NFYB: variants seen among roughly 807,000 people sequenced by gnomAD.
NFYB encodes the protein nuclear transcription factor Y subunit beta, also known as CAAT box DNA-binding protein subunit B.
NFYB carries 13 observed loss-of-function variants against 28.0 expected under a neutral mutation model. The observed-to-expected ratio is 0.46, with a 90% CI of 0.30 to 0.74. NFYB has a LOEUF of 0.74. Ranked by LOEUF, NFYB falls within the 30% of genes least tolerant of loss-of-function variation. NFYB has a pLI of 0.07. For synonymous variants in NFYB, 74 were observed against 75.0 expected, an observed-to-expected ratio of 0.99 and a Z score of 0.07; for missense variants, 142 against 247.6, an observed-to-expected ratio of 0.57 and a Z score of 2.86.
chr12:104,122,280 C>T (rs1225606706), intron 5 of NFYB, among the ~76,000 whole-genome samples: 1 of 152,216 alleles, frequency 6.6e-6, no homozygotes, highest in Non-Finnish European at 1.5e-5. Flanking sequence ...TGTGGCAGAG[C>T]TGGGATTCAG....
chr12:104,127,319 C>A (rs1483015049), intron 3 of NFYB, among the ~76,000 whole-genome samples: 1 of 152,036 alleles, frequency 6.6e-6, no homozygotes, highest in Non-Finnish European at 1.5e-5. Context: ...TGACTATAAT[C>A]CCAGCACTTT....
At chr12:104,124,398 A>T (rs1425224517) in intron 4 of NFYB, among the ~76,000 whole-genome samples, 3 of 152,196 alleles carry the variant, frequency 2.0e-5, no homozygotes, top group Non-Finnish European at 4.4e-5. Flanking sequence ...AGCAATTGCA[A>T]AGCCACTTGT....
chr12:104,129,304 TA>T (rs904690167), intron 2 of NFYB, among the ~76,000 whole-genome samples: 16 of 147,894 alleles, frequency 1.1e-4, no homozygotes, highest in South Asian at 2.1e-4. Flanking sequence ...ACCTGTCTCT[TA>T]AAAAAAAAAA....
Position 104,135,548 on chromosome 12 carries a change from C to G in NFYB, c.-79-16G>C. ...TGATTTCAACCTAAAAGATAAACAT[C>G]TATTAGGACCTAACATCTATCAATA... On this transcript the variant is annotated splice_polypyrimidine_tract_variant and intron_variant, in intron 1 of 7. Transcript: ENST00000240055. 9.3e-7 allele frequency: 1 copy of G among 1,074,918 alleles called. No homozygotes were observed. The allele number at this position is 1,074,918 out of a possible 1,614,324, so 66.6% of individuals were successfully genotyped here. A position where few individuals can be genotyped will look rare whatever the true frequency, so the allele number is the denominator to read the frequency against.
In NFYB at chr12:104,117,603, C is replaced by G. The variant is rs2030312873; in HGVS notation, c.*2134G>C. The G allele has an allele frequency of 6.6e-6, 1 of 152,146 alleles. No homozygotes were observed. Among genetic ancestry groups the G allele is most frequent in the African/African-American group, 2.4e-5 (1 of 41,400 alleles). 9.4% of individuals were successfully genotyped at this position (152,146 alleles called of 1,614,324 possible). On this transcript the variant is annotated 3_prime_UTR_variant, in exon 8 of 8. Transcript: ENST00000240055. ...GTATTTTTTGTAGAGACGGGGGGTT[C>G]TCCATGTTGGCCAGGCTGGTCTCAA... is the stretch of plus-strand genomic sequence containing the variant.
At chr12:104,138,092 A>C (rs2031193266) in intron 1 of NFYB, 49 bp downstream of exon 1, 1 of 147,334 alleles carries the variant, frequency 6.8e-6, no homozygotes, top group African/African-American at 2.5e-5. Context: ...CATTCGAGCT[A>C]AAGTGGAGTC....
chr12:104,135,301 C>T, intron 2 of NFYB, 147 bp downstream of exon 2: 1 of 594,988 alleles, frequency 1.7e-6, no homozygotes, highest in Non-Finnish European at 2.8e-6. Flanking sequence ...AATAAGGAAG[C>T]AACAGGAATG....
intron 2 of NFYB, 107 bp downstream of exon 2, chr12:104,135,341 A>C: frequency 1.1e-6 from 1 of 916,024 alleles, no homozygotes; most frequent in South Asian, 1.8e-5. Context: ...TAGACTTGAA[A>C]TGCATTCATT....
chr12:104,120,037 A>G (rs975401376), intron 7 of NFYB, among the ~76,000 whole-genome samples: 2 of 151,722 alleles, frequency 1.3e-5, no homozygotes, highest in Admixed American at 6.6e-5. Flanking sequence ...GAAATTAACT[A>G]TATCAATAGA....
chr12:104,122,706 GC>G (rs1225696406), intron 5 of NFYB, among the ~76,000 whole-genome samples: 1 of 152,154 alleles, frequency 6.6e-6, no homozygotes, highest in Non-Finnish European at 1.5e-5. Flanking sequence ...TGACCCCAGA[GC>G]GTGGAAAAAT....
Position 104,121,230 on chromosome 12 carries a change from C to T in NFYB, c.511+10G>A. ...ACAATCTACATGACTTGTATTATAA[C>T]AATGCTTACTAAATGCCTCCTCTGT... On this transcript the variant is annotated intron_variant, in intron 6 of 7. Transcript: ENST00000240055. The T allele has an allele frequency of 6.2e-7, 1 of 1,602,764 alleles. No homozygotes were observed. Among genetic ancestry groups the T allele is most frequent in the Non-Finnish European group, 8.5e-7 (1 of 1,171,756 alleles).
intron 3 of NFYB, among the ~76,000 whole-genome samples, chr12:104,127,599 A>T (rs952750103): frequency 2.8e-4 from 39 of 140,786 alleles, no homozygotes; most frequent in Admixed American, 6.9e-4. Flanking sequence ...AAAAAAAAAA[A>T]TTTTTTTTAC....
At chr12:104,122,628 A>T (rs1242639468) in intron 5 of NFYB, among the ~76,000 whole-genome samples, 2 of 152,170 alleles carry the variant, frequency 1.3e-5, no homozygotes, top group Non-Finnish European at 2.9e-5. Context: ...TGAGAATCTA[A>T]CTAATGCCTG....
chr12:104,130,955 G>GA (rs1319860906), intron 2 of NFYB, among the ~76,000 whole-genome samples: 10 of 152,228 alleles, frequency 6.6e-5, no homozygotes, highest in African/African-American at 2.4e-4. Flanking sequence ...AAGAATAACA[G>GA]AAATTCTTTC....
chr12:104,127,476 G>A (rs1397275124), intron 3 of NFYB, among the ~76,000 whole-genome samples: 2 of 151,614 alleles, frequency 1.3e-5, no homozygotes, highest in Non-Finnish European at 2.9e-5. Context: ...GCTGAGGCAG[G>A]AGAATTGCTT....
At chr12:104,128,557 A>G in intron 2 of NFYB, 40 bp from the exon 3 acceptor site, 1 of 1,405,578 alleles carries the variant, frequency 7.1e-7, no homozygotes, top group Non-Finnish European at 1.0e-6. Flanking sequence ...TTTTCAAAGT[A>G]CTAACAAACG....
intron 2 of NFYB, among the ~76,000 whole-genome samples, chr12:104,133,930 T>C (rs2031014112): frequency 1.3e-5 from 2 of 152,182 alleles, no homozygotes; most frequent in Non-Finnish European, 2.9e-5. Context: ...CCCTGACAGT[T>C]GTTAAGACAC....
chr12:104,118,311 A>C lies in NFYB; in HGVS notation c.*1426T>G, dbSNP rs983502392. 6.6e-6 allele frequency: 1 copy of C among 152,540 alleles called. No individual in the cohort carries two copies. The highest frequency in any genetic ancestry group is 1.5e-5 in the Non-Finnish European group (1 of 68,026). 9.4% of individuals were successfully genotyped at this position (152,540 alleles called of 1,614,324 possible). A position where few individuals can be genotyped will look rare whatever the true frequency, so the allele number is the denominator to read the frequency against. The stretch of plus-strand genomic sequence containing the variant: ...TTTTTTCCTATTTGAATTTACTACA[A>C]TGAAGTTTGTTTTTTAAATGGAGAG... On this transcript the variant is annotated 3_prime_UTR_variant, in exon 8 of 8. Coordinates refer to ENST00000240055, the MANE Select transcript of NFYB (RefSeq NM_006166.4).
chr12:104,119,735 G>A lies in NFYB; in HGVS notation c.*2C>T. 6.2e-7 allele frequency: 1 copy of A among 1,601,176 alleles called. No individual in the cohort carries two copies. Among genetic ancestry groups the A allele is most frequent in the Non-Finnish European group, 8.6e-7 (1 of 1,169,550 alleles). On this transcript the variant is annotated 3_prime_UTR_variant, in exon 8 of 8. Transcript: ENST00000240055. The stretch of plus-strand genomic sequence containing the variant: ...CACTCCCCATTCCATCATTTCTTCA[G>A]ATCATGAAAACTGAATTTGCTGAAC...
Sources: allele counts gnomAD v4.1 joint callset (sites outside exome capture counted in the v4.1 genomes callset), GRCh38; gene constraint gnomAD v4.1.1; transcripts MANE v1.5; gene names NCBI Gene and HGNC (gene_info 2026-07-23, HGNC 2026-07-21).